The following PCDHA5 variants were observed in gnomAD, a reference collection of about 807,000 sequenced individuals.
The protein encoded by PCDHA5 is protocadherin alpha-5.
A neutral mutation model predicts 61.6 loss-of-function variants in PCDHA5; 43 were observed. The ratio of observed to expected loss-of-function variants is 0.70; its 90% CI spans 0.55 to 0.90. The LOEUF is 0.90. PCDHA5 is among the 40% of genes least tolerant of loss of function. PCDHA5 has a pLI of 0.00. For synonymous variants in PCDHA5, 627 were observed against 543.9 expected (o/e 1.15, Z -2.13); for missense variants, 1,298 against 1,222.7 (o/e 1.06, Z -0.92).
intron 1 of PCDHA5, chr5:140,841,180 T>C (rs1240672085): frequency 8.7e-7 from 1 of 1,146,740 alleles, no homozygotes; most frequent in Non-Finnish European, 1.2e-6. Flanking sequence ...TGGTCAATGT[T>C]CAAAGTCTTT....
At chr5:140,884,439 C>T (rs1554181562) in intron 1 of PCDHA5, 1 of 1,613,818 alleles carries the variant, frequency 6.2e-7, no homozygotes, top group Non-Finnish European at 8.5e-7. Flanking sequence ...CTGCGGTGCT[C>T]GGCACCGCCC....
intron 3 of PCDHA5, among the ~76,000 whole-genome samples, chr5:141,005,737 G>GATGAGAA (rs1365089563): frequency 2.8e-5 from 4 of 143,576 alleles, no homozygotes; most frequent in Non-Finnish European, 6.0e-5. Context: ...AAAAAGAATG[G>GATGAGAA]ATGAGAAATC....
chr5:140,974,577 T>C (rs2096632640), intron 1 of PCDHA5, among the ~76,000 whole-genome samples: 1 of 152,200 alleles, frequency 6.6e-6, no homozygotes, highest in South Asian at 2.1e-4. Flanking sequence ...AATGGCATGA[T>C]CTTGGCTCAC....
chr5:140,861,396 C>T, intron 1 of PCDHA5: 1 of 455,520 alleles, frequency 2.2e-6, no homozygotes, highest in Non-Finnish European at 4.5e-6. Context: ...GGGTCTGGAG[C>T]TTGTGGAGCT....
chr5:140,961,028 C>T (rs889602727), intron 1 of PCDHA5, among the ~76,000 whole-genome samples: 2 of 152,146 alleles, frequency 1.3e-5, no homozygotes, highest in African/African-American at 4.8e-5. Context: ...TTGCTACCTC[C>T]TTGTTTTGAG....
chr5:140,882,054 C>T, intron 1 of PCDHA5: 1 of 781,668 alleles, frequency 1.3e-6, no homozygotes. Context: ...CATACTTACA[C>T]TTACACGTTC....
At chr5:140,946,591 AATAG>A (rs1237639683) in intron 1 of PCDHA5, among the ~76,000 whole-genome samples, 7 of 119,490 alleles carry the variant, frequency 5.9e-5, no homozygotes, top group African/African-American at 2.9e-4. Flanking sequence ...ATAGTGGATG[AATAG>A]ATAAAGAAAA....
chr5:140,842,582 T>A, intron 1 of PCDHA5: 1 of 1,520,542 alleles, frequency 6.6e-7, no homozygotes, highest in Non-Finnish European at 8.9e-7. Context: ...AGTGTCGGCC[T>A]ATGAGTTGGT....
At chr5:140,876,164 C>T (rs1554168313) in intron 1 of PCDHA5, 2 of 1,613,950 alleles carry the variant, frequency 1.2e-6, no homozygotes, top group South Asian at 1.1e-5. Flanking sequence ...ATTCAAATAA[C>T]CGTCCTGGAT....
intron 1 of PCDHA5, chr5:140,968,527 G>A (rs782634339): frequency 9.3e-6 from 15 of 1,614,142 alleles, no homozygotes; most frequent in Middle Eastern, 1.6e-4. Flanking sequence ...CAACCAACTC[G>A]TCAGCAGCCT....
Position 140,927,866 on chromosome 5 carries a change from A to G in PCDHA5, c.2353-51083A>G, listed in dbSNP as rs1554205166. The G allele has an allele frequency of 2.5e-6, 4 of 1,614,224 alleles. No individual in the cohort carries two copies. In the Admixed American group the frequency reaches 6.7e-5, roughly 27 times the overall value. On this transcript the variant is annotated intron_variant, in intron 1 of 3. Transcript: ENST00000529859. Reference sequence around the variant, plus strand: ...GTCTTTGGTTTAGCTAGCACCGCTAAACTGCTGGTGGAGGTGACTGACGTG... The same window carrying G: ...GTCTTTGGTTTAGCTAGCACCGCTAGACTGCTGGTGGAGGTGACTGACGTG...
chr5:140,894,852 T>C (rs1366360589), intron 1 of PCDHA5, among the ~76,000 whole-genome samples: 2 of 152,200 alleles, frequency 1.3e-5, no homozygotes, highest in African/African-American at 2.4e-5. Flanking sequence ...CATTTTTATA[T>C]GAAAAGTGCT....
At chr5:140,863,510 T>C in intron 1 of PCDHA5, 1 of 411,624 alleles carries the variant, frequency 2.4e-6, no homozygotes, top group Non-Finnish European at 4.8e-6. Context: ...TTAGTCCTAG[T>C]GTTCTCCCAT....
At chr5:140,828,295 C>T (rs1769680333) in intron 1 of PCDHA5, 1 of 1,614,006 alleles carries the variant, frequency 6.2e-7, no homozygotes, top group Non-Finnish European at 8.5e-7. Flanking sequence ...GGATGGCCTC[C>T]AAAGACCGCG....
At chr5:141,000,393 CTCTATATATA>C (rs1279908183) in intron 3 of PCDHA5, among the ~76,000 whole-genome samples, 25 of 52,852 alleles carry the variant, frequency 4.7e-4, no homozygotes, top group South Asian at 8.2e-4. Flanking sequence ...CTCTCTCTCT[CTCTATATATA>C]TATATATATA....
At chr5:140,904,143 T>C (rs1370565805) in intron 1 of PCDHA5, among the ~76,000 whole-genome samples, 1 of 152,136 alleles carries the variant, frequency 6.6e-6, no homozygotes, top group Non-Finnish European at 1.5e-5. Context: ...CCGAGCAGTA[T>C]ACATTGCACC....
chr5:140,829,453 G>A, intron 1 of PCDHA5: 1 of 1,613,920 alleles, frequency 6.2e-7, no homozygotes. Flanking sequence ...ATGCTCCGGC[G>A]TTCGCGCAGC....
In PCDHA5 at chr5:140,855,796, A is replaced by G. The variant is rs140328724; in HGVS notation, c.2352+31669A>G. 580 of 464,912 alleles carry G rather than the reference A, an allele frequency of 1.2e-3. 24 individuals carry two copies. The highest frequency in any genetic ancestry group is 0.011 in the African/African-American group (538 of 50,868). 28.8% of individuals were successfully genotyped at this position (464,912 alleles called of 1,614,324 possible). On this transcript the variant is annotated intron_variant, in intron 1 of 3. Transcript: ENST00000529859. ...AAATACGTAAAAAAAGAATTAACAT[A>G]TGAATGAAAGAAAAGTTGTGAACTC...
At chr5:140,911,591 A>G (rs2075552073) in intron 1 of PCDHA5, among the ~76,000 whole-genome samples, 2 of 152,222 alleles carry the variant, frequency 1.3e-5, no homozygotes, top group Non-Finnish European at 1.5e-5. Context: ...AGGAGGAACC[A>G]ACCAACTTCA....
Sources: allele counts gnomAD v4.1 joint callset (sites outside exome capture counted in the v4.1 genomes callset), GRCh38; gene constraint gnomAD v4.1.1; transcripts MANE v1.5; gene names NCBI Gene and HGNC (gene_info 2026-07-23, HGNC 2026-07-21).